Variants in TANGO6 observed in about 807,000 individuals in gnomAD.
TANGO6 encodes transport and Golgi organization protein 6 homolog.
A neutral mutation model predicts 114.2 loss-of-function variants in TANGO6; 90 were observed. The observed-to-expected ratio is 0.79, with a 90% confidence interval of 0.66 to 0.94. TANGO6 has a LOEUF of 0.94. Ranked by LOEUF, TANGO6 falls within the 40% of genes least tolerant of loss-of-function variation. The pLI is 0.00. For synonymous variants in TANGO6, 477 were observed against 509.8 expected (o/e 0.94, Z 0.87); for missense variants, 1,274 against 1,315.3 (o/e 0.97, Z 0.49).
intron 16 of TANGO6, among the ~76,000 whole-genome samples, chr16:69,029,717 G>T (rs1434783127): frequency 6.6e-6 from 1 of 152,086 alleles, no homozygotes; most frequent in African/African-American, 2.4e-5. Context: ...TTCTAGTAAA[G>T]ACATTTTATT....
chr16:68,871,504 C>T (rs1046319943), intron 4 of TANGO6, among the ~76,000 whole-genome samples: 2 of 152,154 alleles, frequency 1.3e-5, no homozygotes, highest in Admixed American at 6.5e-5. Context: ...TCAGATCTCT[C>T]TTTCTGAGAT....
At chr16:69,009,168 G>T (rs992515647) in intron 15 of TANGO6, among the ~76,000 whole-genome samples, 4 of 128,600 alleles carry the variant, frequency 3.1e-5, no homozygotes, top group Non-Finnish European at 4.7e-5. Flanking sequence ...TGAAATCTCC[G>T]CCTCACAGGT....
intron 17 of TANGO6, among the ~76,000 whole-genome samples, chr16:69,064,025 C>T (rs1212297009): frequency 2.6e-5 from 4 of 151,768 alleles, no homozygotes; most frequent in Non-Finnish European, 5.9e-5. Context: ...TTAGCAGAGA[C>T]GGGGTTTCAC....
At chr16:68,971,788 CG>C (rs1176053063) in intron 14 of TANGO6, among the ~76,000 whole-genome samples, 3 of 151,756 alleles carry the variant, frequency 2.0e-5, no homozygotes, top group African/African-American at 7.3e-5. Flanking sequence ...CCCGATACCA[CG>C]CCCAGCTAAC....
At chr16:68,971,884 C>T (rs1284349486) in intron 14 of TANGO6, among the ~76,000 whole-genome samples, 2 of 152,134 alleles carry the variant, frequency 1.3e-5, no homozygotes, top group Non-Finnish European at 2.9e-5. Context: ...CCACCCACCT[C>T]GGCCTCCCAA....
At chr16:68,856,668 A>T in intron 1 of TANGO6, among the ~76,000 whole-genome samples, 1 of 152,236 alleles carries the variant, frequency 6.6e-6, no homozygotes. Flanking sequence ...CTGATAAACC[A>T]ATGTTGATAC....
At position 68,928,026 on chromosome 16, in the gene TANGO6, C is replaced by T. The variant is rs566356439; in HGVS notation, c.2586C>T (p.Ser862=). The T allele has an allele frequency of 6.2e-7, 1 of 1,606,112 alleles. No homozygotes were observed. The highest frequency in any genetic ancestry group is 1.1e-5 in the South Asian group (1 of 89,564). The change falls in exon 13 of 18, where the codon TCC becomes TCT. Residue 862 remains serine, a synonymous_variant. Transcript: ENST00000261778. ...GGGCTGCTGCCCTGCGTACTCTTTC[C>T]CACTGGATAGAGCAGAGAGAAGCAA... ...PTRAAALRTL[S]HWIEQREAKA...
At chr16:68,896,401 C>T (rs1962704991) in intron 7 of TANGO6, among the ~76,000 whole-genome samples, 1 of 151,972 alleles carries the variant, frequency 6.6e-6, no homozygotes, top group Non-Finnish European at 1.5e-5. Flanking sequence ...CAGCCTCAAG[C>T]CCCTGGGCTC....
At chr16:68,878,079 G>A in intron 5 of TANGO6, 39 bp from the exon 6 acceptor site, 1 of 1,563,532 alleles carries the variant, frequency 6.4e-7, no homozygotes, top group Non-Finnish European at 8.7e-7. Context: ...CATATTCCTT[G>A]CAAAAAACTG....
intron 15 of TANGO6, among the ~76,000 whole-genome samples, chr16:69,003,140 A>G (rs1473104364): frequency 1.3e-5 from 2 of 152,092 alleles, no homozygotes; most frequent in Non-Finnish European, 2.9e-5. Flanking sequence ...CCCCCCTCAA[A>G]GGTATTTTTC....
In TANGO6 at chr16:68,901,768, G is replaced by A. The variant is rs566708859; in HGVS notation, c.1491-560G>A. Among the ~76,000 whole-genome samples, 7 of 152,260 alleles carry A rather than the reference G, an allele frequency of 4.6e-5. No individual in the cohort carries two copies. The East Asian group carries it at 7.7e-4, about 17-fold the overall frequency. ...CTCACAAAATGCTGGGATTACAGGC[G>A]TGAGCCACCGCACCTGGCCTCTTGT... On this transcript the variant is annotated intron_variant, in intron 8 of 17. Transcript: ENST00000261778.
chr16:68,867,030 A>G, intron 3 of TANGO6, 49 bp from the exon 4 acceptor site: 14 of 1,456,172 alleles, frequency 9.6e-6, no homozygotes, highest in Non-Finnish European at 1.2e-5. Context: ...CCCGGCCATC[A>G]TATCTATTTC....
At chr16:68,989,991 C>T (rs1025184940) in intron 15 of TANGO6, among the ~76,000 whole-genome samples, 2 of 152,114 alleles carry the variant, frequency 1.3e-5, no homozygotes, top group Admixed American at 1.3e-4. Flanking sequence ...CTTTGGAGTA[C>T]ATAAAATTAA....
intron 14 of TANGO6, among the ~76,000 whole-genome samples, chr16:68,952,819 A>G (rs1354455332): frequency 6.6e-6 from 1 of 152,182 alleles, no homozygotes; most frequent in Non-Finnish European, 1.5e-5. Flanking sequence ...CAAAGACCTC[A>G]TTAGGTCATC....
At chr16:68,866,919 G>C (rs1379890621) in intron 3 of TANGO6, among the ~76,000 whole-genome samples, 160 bp from the exon 4 acceptor site, 1 of 149,770 alleles carries the variant, frequency 6.7e-6, no homozygotes, top group African/African-American at 2.5e-5. Context: ...CCTGGGTGAA[G>C]AGTGAAACTC....
intron 4 of TANGO6, among the ~76,000 whole-genome samples, chr16:68,873,594 G>A (rs185084051): frequency 2.6e-5 from 4 of 152,308 alleles, no homozygotes; most frequent in African/African-American, 9.6e-5. Flanking sequence ...GATTACAGGT[G>A]TCAGCCACCG....
At chr16:68,971,160 A>C (rs1963700925) in intron 14 of TANGO6, among the ~76,000 whole-genome samples, 1 of 152,246 alleles carries the variant, frequency 6.6e-6, no homozygotes, top group East Asian at 1.9e-4. Context: ...CAAAAAAAAA[A>C]AAAAAAGAAA....
At chr16:68,980,125 C>T (rs932979736) in intron 15 of TANGO6, among the ~76,000 whole-genome samples, 1 of 151,806 alleles carries the variant, frequency 6.6e-6, no homozygotes, top group Non-Finnish European at 1.5e-5. Flanking sequence ...GGATTACAGG[C>T]GTGAGCCACC....
In TANGO6 at chr16:68,927,960, A is replaced by G. The variant is rs1202550986; in HGVS notation, c.2520A>G (p.Gln840=). The G allele has an allele frequency of 1.9e-5, 30 of 1,613,694 alleles. No homozygotes were observed. The Admixed American group carries it at 4.7e-4, about 25-fold the overall frequency. ...GAAGCGTAACCACAGAACAGCTCCA[A>G]GAGGTTCTTTTGTCAGCTTATGACC... The part of the protein sequence containing the change: ...KSGSVTTEQL[Q]EVLLSAYDPQ... The change falls in exon 13 of 18, where the codon CAA becomes CAG. Residue 840 remains glutamine, a synonymous_variant. Transcript: ENST00000261778.
Sources: allele counts gnomAD v4.1 joint callset (sites outside exome capture counted in the v4.1 genomes callset), GRCh38; gene constraint gnomAD v4.1.1; transcripts MANE v1.5; gene names NCBI Gene and HGNC (gene_info 2026-07-23, HGNC 2026-07-21).